The following SH3D19 variants were observed in gnomAD, a reference collection of about 807,000 sequenced individuals.
SH3D19 encodes the protein SH3 domain containing 19.
SH3D19 carries 58 observed loss-of-function variants against 112.1 expected under a neutral mutation model. That is an observed-to-expected ratio of 0.52 (90% CI 0.42 to 0.64). SH3D19 has a LOEUF of 0.64. Among genes scored for constraint, SH3D19 ranks in the 30% least tolerant of loss-of-function variants. SH3D19 has a pLI of 0.00. For synonymous variants in SH3D19, 391 were observed against 448.5 expected (o/e 0.87, Z 1.62); for missense variants, 1,090 against 1,263.4 (o/e 0.86, Z 2.08).
intron 9 of SH3D19, among the ~76,000 whole-genome samples, chr4:151,158,721 G>A (rs1028227913): frequency 1.1e-4 from 17 of 150,240 alleles, no homozygotes; most frequent in African/African-American, 3.9e-4. Flanking sequence ...GGATATTGAA[G>A]TTGAAATGAA....
At chr4:151,288,310 A>T (rs1775014621) in intron 1 of SH3D19, among the ~76,000 whole-genome samples, 1 of 152,256 alleles carries the variant, frequency 6.6e-6, no homozygotes, top group Non-Finnish European at 1.5e-5. Flanking sequence ...AAAGACATCC[A>T]GATTGCAAAG....
intron 9 of SH3D19, among the ~76,000 whole-genome samples, chr4:151,156,660 T>C (rs1756164161): frequency 6.6e-6 from 1 of 152,182 alleles, no homozygotes; most frequent in South Asian, 2.1e-4. Flanking sequence ...ACTCACTCTT[T>C]ATAAGACTCA....
At chr4:151,209,220 T>C (rs1765585565) in intron 2 of SH3D19, among the ~76,000 whole-genome samples, 1 of 151,770 alleles carries the variant, frequency 6.6e-6, no homozygotes, top group Admixed American at 6.6e-5. Flanking sequence ...CTTCACACAC[T>C]ATCCCACAGC....
At chr4:151,133,874 G>A (rs1751272006) in intron 15 of SH3D19, among the ~76,000 whole-genome samples, 1 of 152,078 alleles carries the variant, frequency 6.6e-6, no homozygotes, top group African/African-American at 2.4e-5. Flanking sequence ...TACATGATCT[G>A]CAATTTTGAC....
chr4:151,284,960 T>C (rs773438328), intron 1 of SH3D19, among the ~76,000 whole-genome samples: 3 of 152,190 alleles, frequency 2.0e-5, no homozygotes, highest in Non-Finnish European at 4.4e-5. Flanking sequence ...TTCTGGTATA[T>C]TTCCCTGCAC....
intron 8 of SH3D19, among the ~76,000 whole-genome samples, chr4:151,162,598 C>CT (rs57420317): frequency 0.024 from 3,111 of 131,036 alleles, 56 homozygotes; most frequent in Non-Finnish European, 0.034. Flanking sequence ...AGATTGGTCC[C>CT]TTTTTTTTTT....
rs190188016 is a variant in SH3D19, at chr4:151,172,779, G to T, written c.1534+1891C>A. ...AGCTAGCCACTGTGTGACACGGTGA[G>T]AAGACTCAAGGATGATCTCTGGGTT... On this transcript the variant is annotated intron_variant, in intron 7 of 19. Transcript: ENST00000604030. Among the ~76,000 whole-genome samples, 22 of 152,338 alleles carry T rather than the reference G, an allele frequency of 1.4e-4. No homozygotes were observed. In the East Asian group the frequency reaches 3.7e-3, roughly 25 times the overall value.
chr4:151,283,279 G>T, intron 1 of SH3D19: 1 of 1,613,482 alleles, frequency 6.2e-7, no homozygotes, highest in African/African-American at 1.3e-5. Flanking sequence ...ATGAAGGATA[G>T]TTGCAAGGTC....
At chr4:151,131,977 C>T (rs1275258547) in intron 17 of SH3D19, among the ~76,000 whole-genome samples, 2 of 152,092 alleles carry the variant, frequency 1.3e-5, no homozygotes, top group African/African-American at 4.8e-5. Context: ...GTGCACGCCA[C>T]CATGCCTGGT....
At chr4:151,288,884 C>T (rs998724359) in intron 1 of SH3D19, among the ~76,000 whole-genome samples, 10 of 152,082 alleles carry the variant, frequency 6.6e-5, no homozygotes, top group African/African-American at 2.2e-4. Flanking sequence ...GGTTTCTTTG[C>T]AGAAATTGGC....
At chr4:151,191,795 G>A (rs561429365) in intron 2 of SH3D19, among the ~76,000 whole-genome samples, 18 of 151,578 alleles carry the variant, frequency 1.2e-4, no homozygotes, top group Non-Finnish European at 2.2e-4. Flanking sequence ...ACAGATGATC[G>A]CCATCATGCC....
At chr4:151,294,938 G>A (rs1775596791) in intron 1 of SH3D19, among the ~76,000 whole-genome samples, 2 of 152,132 alleles carry the variant, frequency 1.3e-5, no homozygotes, top group South Asian at 4.1e-4. Flanking sequence ...ACAGAGGAGG[G>A]AAGCAAGGAC....
chr4:151,278,754 C>T (rs1000474135), intron 1 of SH3D19, among the ~76,000 whole-genome samples: 2 of 152,166 alleles, frequency 1.3e-5, no homozygotes, highest in African/African-American at 4.8e-5. Flanking sequence ...CTTCAGCCTC[C>T]CAAGTAGCTG....
At chr4:151,146,333 G>A (rs1230992835) in intron 11 of SH3D19, among the ~76,000 whole-genome samples, 2 of 151,892 alleles carry the variant, frequency 1.3e-5, no homozygotes, top group Non-Finnish European at 2.9e-5. Flanking sequence ...GTCTCATTCT[G>A]TCACCCAGGC....
intron 7 of SH3D19, among the ~76,000 whole-genome samples, chr4:151,171,644 T>A (rs1440575958): frequency 1.3e-5 from 2 of 152,172 alleles, no homozygotes; most frequent in Non-Finnish European, 2.9e-5. Context: ...ATGAAGTAGT[T>A]TTCCGCCCAT....
At chr4:151,219,449 C>A (rs1489648311) in intron 2 of SH3D19, among the ~76,000 whole-genome samples, 2 of 152,202 alleles carry the variant, frequency 1.3e-5, no homozygotes, top group Non-Finnish European at 2.9e-5. Context: ...CTATACCTAT[C>A]TTGATAGTCC....
intron 2 of SH3D19, among the ~76,000 whole-genome samples, chr4:151,199,353 T>C (rs1268598885): frequency 6.6e-6 from 1 of 152,180 alleles, no homozygotes. Flanking sequence ...AGAGGAAATG[T>C]GCCTTTTATC....
At chr4:151,139,186 C>T (rs1187981817) in intron 13 of SH3D19, among the ~76,000 whole-genome samples, 2 of 151,228 alleles carry the variant, frequency 1.3e-5, no homozygotes, top group South Asian at 2.1e-4. Flanking sequence ...CGGAGTCTCG[C>T]TCTGTCCCTC....
chr4:151,300,646 T>A (rs1338159456), intron 1 of SH3D19: 1 of 151,994 alleles, frequency 6.6e-6, no homozygotes, highest in Non-Finnish European at 1.5e-5. Context: ...TTAAGAAATT[T>A]GAGCTTTTAG....
Sources: allele counts gnomAD v4.1 joint callset (sites outside exome capture counted in the v4.1 genomes callset), GRCh38; gene constraint gnomAD v4.1.1; transcripts MANE v1.5; gene names NCBI Gene and HGNC (gene_info 2026-07-23, HGNC 2026-07-21).